Variants in RHBDL3 observed in about 807,000 individuals in gnomAD.
The protein encoded by RHBDL3 is rhomboid-related protein 3.
Under a neutral mutation model 48.2 loss-of-function variants are expected in RHBDL3, and 28 were observed. That is an observed-to-expected ratio of 0.58 (90% CI 0.43 to 0.80). The LOEUF (loss-of-function observed/expected upper bound fraction) is 0.80, where lower values mean the gene tolerates loss of function less well. Ranked by LOEUF, RHBDL3 falls within the 30% of genes least tolerant of loss-of-function variation. The pLI, the probability that RHBDL3 is intolerant of heterozygous loss-of-function variation, is 0.00. For missense variants in RHBDL3, 464 were observed against 542.7 expected, an observed-to-expected ratio of 0.85 and a Z score of 1.44; for synonymous variants, 208 against 232.3, an observed-to-expected ratio of 0.90 and a Z score of 0.95.
intron 7 of RHBDL3, among the ~76,000 whole-genome samples, chr17:32,314,868 G>C (rs940969388): frequency 6.6e-6 from 1 of 152,228 alleles, no homozygotes; most frequent in African/African-American, 2.4e-5. Flanking sequence ...GACACCAGCA[G>C]ATGACACCGA....
chr17:32,267,604 T>G (rs1567758200), intron 1 of RHBDL3: 1 of 228,430 alleles, frequency 4.4e-6, no homozygotes, highest in Non-Finnish European at 7.2e-6. Flanking sequence ...TATTTAGTAA[T>G]TGTTGAGAAT....
At chr17:32,294,761 G>A (rs1286778009) in intron 5 of RHBDL3, among the ~76,000 whole-genome samples, 3 of 149,872 alleles carry the variant, frequency 2.0e-5, no homozygotes, top group Non-Finnish European at 2.9e-5. Context: ...GCTTCCTAGA[G>A]CTTTTGCTTT....
At chr17:32,288,670 A>G in intron 3 of RHBDL3, 122 bp from the exon 4 acceptor site, 1 of 674,610 alleles carries the variant, frequency 1.5e-6, no homozygotes, top group African/African-American at 1.8e-5. Context: ...CTTATTAACA[A>G]TTATAGGAGA....
intron 5 of RHBDL3, among the ~76,000 whole-genome samples, chr17:32,297,887 C>G (rs1280410500): frequency 1.3e-5 from 2 of 151,824 alleles, no homozygotes. Flanking sequence ...ACATCTGTTC[C>G]TGTCCCATCT....
intron 2 of RHBDL3, among the ~76,000 whole-genome samples, chr17:32,275,951 A>G (rs979949935): frequency 5.9e-5 from 9 of 152,142 alleles, no homozygotes; most frequent in Non-Finnish European, 1.0e-4. Flanking sequence ...TCCTTCCCAC[A>G]GAGGCTTGAG....
At chr17:32,283,317 C>CTTTTTTTTTTT (rs1156849774) in intron 2 of RHBDL3, among the ~76,000 whole-genome samples, 3 of 92,956 alleles carry the variant, frequency 3.2e-5, no homozygotes, top group Non-Finnish European at 6.4e-5. Context: ...GCCTTTTCTT[C>CTTTTTTTTTTT]TTTTTTTTTT....
chr17:32,309,705 T>C (rs954977419), intron 7 of RHBDL3, among the ~76,000 whole-genome samples: 11 of 150,878 alleles, frequency 7.3e-5, no homozygotes, highest in African/African-American at 2.7e-4. Context: ...GTTTGGGAGA[T>C]GAAAAAATGG....
At chr17:32,289,454 C>G (rs567502797) in intron 4 of RHBDL3, among the ~76,000 whole-genome samples, 1 of 152,172 alleles carries the variant, frequency 6.6e-6, no homozygotes, top group African/African-American at 2.4e-5. Context: ...TCAGAAATAA[C>G]CAGACCTGCC....
At chr17:32,317,187 C>T (rs1346824257) in intron 8 of RHBDL3, among the ~76,000 whole-genome samples, 1 of 152,050 alleles carries the variant, frequency 6.6e-6, no homozygotes, top group Non-Finnish European at 1.5e-5. Context: ...CCTATTTTTT[C>T]ATCTTTTTAT....
chr17:32,316,817 C>CTTTTA (rs1032998011), intron 8 of RHBDL3, among the ~76,000 whole-genome samples: 6 of 150,676 alleles, frequency 4.0e-5, no homozygotes, highest in Admixed American at 6.6e-5. Context: ...CACGCCTGGC[C>CTTTTA]TTTTATTTTA....
intron 7 of RHBDL3, among the ~76,000 whole-genome samples, chr17:32,315,123 T>C (rs1212821306): frequency 6.6e-6 from 1 of 152,246 alleles, no homozygotes; most frequent in Non-Finnish European, 1.5e-5. Flanking sequence ...TTAGTGTCCA[T>C]GCCAGTGTTC....
chr17:32,294,568 T>A, intron 5 of RHBDL3, 126 bp downstream of exon 5: 1 of 877,518 alleles, frequency 1.1e-6, no homozygotes, highest in South Asian at 2.0e-5. Context: ...TTGGGATGGC[T>A]GCTTGAAACT....
At chr17:32,297,863 C>T (rs1051662451) in intron 5 of RHBDL3, among the ~76,000 whole-genome samples, 5 of 151,648 alleles carry the variant, frequency 3.3e-5, no homozygotes, top group South Asian at 2.1e-4. Flanking sequence ...CTGCCAGTCA[C>T]GCCCAGGCCT....
At chr17:32,301,986 G>T (rs953700246) in intron 6 of RHBDL3, among the ~76,000 whole-genome samples, 6 of 152,176 alleles carry the variant, frequency 3.9e-5, no homozygotes, top group African/African-American at 1.4e-4. Context: ...TGGCAAAGTT[G>T]CCAGTTTATC....
intron 8 of RHBDL3, among the ~76,000 whole-genome samples, chr17:32,318,480 A>G (rs2041029994): frequency 2.9e-5 from 1 of 34,816 alleles, no homozygotes; most frequent in Admixed American, 2.1e-4. Flanking sequence ...AACAAACAAA[A>G]AAACCAATGA....
intron 2 of RHBDL3, among the ~76,000 whole-genome samples, chr17:32,274,201 A>G (rs575394373): frequency 6.6e-6 from 1 of 152,344 alleles, no homozygotes; most frequent in East Asian, 1.9e-4. Context: ...AGTGTTGTGC[A>G]TGGCAGAGGG....
At chr17:32,317,272 T>C (rs1300201987) in intron 8 of RHBDL3, among the ~76,000 whole-genome samples, 1 of 152,236 alleles carries the variant, frequency 6.6e-6, no homozygotes, top group Non-Finnish European at 1.5e-5. Context: ...CCTAACCTTT[T>C]TGGTCATGGA....
At chr17:32,313,751 C>CT (rs559422433) in intron 7 of RHBDL3, among the ~76,000 whole-genome samples, 2,403 of 98,540 alleles carry the variant, frequency 0.024, 55 homozygotes, top group East Asian at 0.048. Context: ...AATTCCCTCC[C>CT]TTTTTTTTTT....
intron 1 of RHBDL3, among the ~76,000 whole-genome samples, chr17:32,266,992 C>T (rs929670551): frequency 1.3e-5 from 2 of 152,064 alleles, no homozygotes; most frequent in African/African-American, 2.4e-5. Context: ...TCCATCCCTC[C>T]GGTCCTGCGG....
Sources: gnomAD v4.1 joint callset for allele counts (sites outside exome capture counted in the v4.1 genomes callset) on GRCh38, gnomAD v4.1.1 for gene constraint, MANE v1.5 for transcripts, NCBI Gene and HGNC (gene_info 2026-07-23, HGNC 2026-07-21) for gene names.